CECR2: variants seen among roughly 807,000 people sequenced by gnomAD.
The protein encoded by CECR2 is CECR2 histone acetyl-lysine reader.
In CECR2, 30 loss-of-function variants were observed where a neutral mutation model predicts 154.5. That is an observed-to-expected ratio of 0.19 (90% CI 0.15 to 0.26). The LOEUF is 0.26. Ranked by LOEUF, CECR2 falls within the 10% of genes least tolerant of loss-of-function variation. The pLI, the probability that CECR2 is intolerant of heterozygous loss-of-function variation, is 1.00. For synonymous variants in CECR2, 725 were observed against 683.7 expected (o/e 1.06, Z -0.94); for missense variants, 1,743 against 1,829.3 (o/e 0.95, Z 0.86).
chr22:17,549,122 G>A lies in CECR2; in HGVS notation c.3835G>A (p.Glu1279Lys), dbSNP rs774969091. 1.2e-6 allele frequency: 2 copies of A among 1,613,936 alleles called. No homozygotes were observed. The highest frequency in any genetic ancestry group is 1.3e-5 in the African/African-American group (1 of 74,930). Residue 1279 changes from glutamate (E) to lysine (K), a missense_variant, in exon 17 of 19, where the codon GAG becomes AAG. By Grantham distance (56) the Glu-to-Lys change is moderately conservative. Transcript: ENST00000262608. ...AAATGACGGGCAGAATCCTGGTCCA[G>A]AGGAAGAGAAGCTGGATGAATCTAT... is the stretch of plus-strand genomic sequence containing the variant. ...VPNDGQNPGP[E>K]EEKLDESMER...
At chr22:17,471,039 C>T (rs1208958907) in intron 1 of CECR2, among the ~76,000 whole-genome samples, 3 of 152,170 alleles carry the variant, frequency 2.0e-5, no homozygotes, top group African/African-American at 7.2e-5. Flanking sequence ...TCTCTAATGA[C>T]ATCTCCCATT....
At chr22:17,403,747 A>G (rs577982398) in intron 1 of CECR2, among the ~76,000 whole-genome samples, 1 of 152,276 alleles carries the variant, frequency 6.6e-6, no homozygotes, top group African/African-American at 2.4e-5. Flanking sequence ...CTCTTTGTCT[A>G]TTGAGCTGTT....
intron 1 of CECR2, among the ~76,000 whole-genome samples, chr22:17,471,442 C>CA (rs2055125014): frequency 6.6e-6 from 1 of 152,196 alleles, no homozygotes; most frequent in Admixed American, 6.5e-5. Flanking sequence ...ATGGATTAAA[C>CA]AAACCTAGAG....
intron 6 of CECR2, 129 bp from the exon 7 acceptor site, chr22:17,504,718 G>A: frequency 1.4e-6 from 1 of 727,192 alleles, no homozygotes; most frequent in Non-Finnish European, 2.2e-6. Flanking sequence ...TGGGATTACA[G>A]GCTTGAGCCA....
intron 1 of CECR2, among the ~76,000 whole-genome samples, chr22:17,420,013 G>A (rs143816004): frequency 6.6e-6 from 1 of 152,322 alleles, no homozygotes; most frequent in East Asian, 1.9e-4. Flanking sequence ...TAGCCAAGCA[G>A]AGTTGTAGAG....
chr22:17,491,903 T>C (rs1274734059), intron 2 of CECR2, among the ~76,000 whole-genome samples: 1 of 152,242 alleles, frequency 6.6e-6, no homozygotes, highest in East Asian at 1.9e-4. Flanking sequence ...TAATTTGAAA[T>C]AACCATGATT....
chr22:17,391,847 G>A (rs2063329164), intron 1 of CECR2, among the ~76,000 whole-genome samples: 1 of 152,220 alleles, frequency 6.6e-6, no homozygotes, highest in Non-Finnish European at 1.5e-5. Flanking sequence ...ACTCTTACAG[G>A]CGGGAGTACA....
At position 17,448,246 on chromosome 22, in the gene CECR2, G is replaced by A. The variant is rs147283968; in HGVS notation, c.127-29342G>A. 2.7e-3 allele frequency among the ~76,000 whole-genome samples: 405 copies of A among 152,258 alleles called. 3 individuals carry two copies. The highest frequency in any genetic ancestry group is 9.2e-3 in the African/African-American group (381 of 41,556). ...CACATCCATGACTAAAAACTGGTTG[G>A]ATATGACTACTTTCAGCAAATTAAA... is the stretch of plus-strand genomic sequence containing the variant. On this transcript the variant is annotated intron_variant, in intron 1 of 18. Coordinates refer to ENST00000262608, the MANE Select transcript of CECR2 (RefSeq NM_001290047.2).
chr22:17,428,984 G>A (rs913840965), intron 1 of CECR2, among the ~76,000 whole-genome samples: 1 of 152,028 alleles, frequency 6.6e-6, no homozygotes, highest in Non-Finnish European at 1.5e-5. Context: ...TGGTACCAGT[G>A]TACATGTGTG....
chr22:17,420,532 G>A (rs546908903), intron 1 of CECR2, among the ~76,000 whole-genome samples: 20 of 152,292 alleles, frequency 1.3e-4, no homozygotes, highest in African/African-American at 4.8e-4. Flanking sequence ...ACCCTAAGGA[G>A]TCTCAAGAAT....
At chr22:17,386,096 C>A (rs1381174750) in intron 1 of CECR2, among the ~76,000 whole-genome samples, 1 of 152,154 alleles carries the variant, frequency 6.6e-6, no homozygotes, top group African/African-American at 2.4e-5. Context: ...TACGGTGGTA[C>A]CACTCATGGT....
At chr22:17,361,675 G>A (rs2062978447) in intron 1 of CECR2, among the ~76,000 whole-genome samples, 1 of 151,798 alleles carries the variant, frequency 6.6e-6, no homozygotes, top group South Asian at 2.1e-4. Context: ...GGGGCTGGGG[G>A]GAGGTTGCAG....
intron 9 of CECR2, among the ~76,000 whole-genome samples, chr22:17,526,584 G>A (rs1378423244): frequency 6.6e-6 from 1 of 152,110 alleles, no homozygotes; most frequent in African/African-American, 2.4e-5. Context: ...GCCAAGGCGG[G>A]TGAATTACAA....
rs147272929 is a variant in CECR2, at chr22:17,390,987, C to A, written c.126+21078C>A. Among the ~76,000 whole-genome samples, 345 of 152,132 alleles carry A rather than the reference C, an allele frequency of 2.3e-3. 2 individuals are homozygous for A. Among genetic ancestry groups the A allele is most frequent in the Non-Finnish European group, 4.1e-3 (277 of 68,010 alleles). On this transcript the variant is annotated intron_variant, in intron 1 of 18. Coordinates refer to ENST00000262608, the MANE Select transcript of CECR2 (RefSeq NM_001290047.2). ...GGTGAAGTTCAAAGATAAGTGAACC[C>A]CTGCGTACCCTTTACTCTAGATGTA...
chr22:17,540,208 T>G (rs775792806), intron 13 of CECR2, among the ~76,000 whole-genome samples: 8 of 151,816 alleles, frequency 5.3e-5, no homozygotes, highest in African/African-American at 9.7e-5. Flanking sequence ...AAACCACGTC[T>G]TCTTCATCTT....
At chr22:17,386,851 A>G (rs2063268596) in intron 1 of CECR2, among the ~76,000 whole-genome samples, 1 of 152,002 alleles carries the variant, frequency 6.6e-6, no homozygotes, top group African/African-American at 2.4e-5. Flanking sequence ...GGGTTTCATC[A>G]TATTGGTCAG....
intron 1 of CECR2, among the ~76,000 whole-genome samples, chr22:17,414,191 C>G (rs1053239521): frequency 9.9e-5 from 15 of 151,818 alleles, no homozygotes; most frequent in Non-Finnish European, 1.5e-4. Context: ...CCAGGATGGT[C>G]TCGATCGCCT....
intron 9 of CECR2, chr22:17,525,024 C>T (rs1382862876): frequency 6.6e-6 from 1 of 150,396 alleles, no homozygotes; most frequent in Admixed American, 6.7e-5. Flanking sequence ...TGACTCATGC[C>T]TGTAATCCCA....
At chr22:17,547,122 G>C (rs1391825927) in intron 16 of CECR2, among the ~76,000 whole-genome samples, 1 of 150,378 alleles carries the variant, frequency 6.6e-6, no homozygotes, top group African/African-American at 2.5e-5. Context: ...TCTTAGTTAA[G>C]ACCTTATTTT....
Sources: allele counts gnomAD v4.1 joint callset (sites outside exome capture counted in the v4.1 genomes callset), GRCh38; gene constraint gnomAD v4.1.1; transcripts MANE v1.5; gene names NCBI Gene and HGNC (gene_info 2026-07-23, HGNC 2026-07-21).